Variants in MTREX observed in about 807,000 individuals in gnomAD.
MTREX encodes Mtr4 exosome RNA helicase.
In MTREX, 76 loss-of-function variants were observed where a neutral mutation model predicts 135.4. The ratio of observed to expected loss-of-function variants is 0.56; its 90% CI spans 0.47 to 0.68. The LOEUF is 0.68. Among genes scored for constraint, MTREX ranks in the 30% least tolerant of loss-of-function variants. The probability of loss-of-function intolerance (pLI) is 0.00; values close to 1 mark genes in which losing one functional copy is unlikely to be tolerated. For synonymous variants in MTREX, 404 were observed against 401.6 expected (o/e 1.01, Z -0.07); for missense variants, 920 against 1,262.1 (o/e 0.73, Z 4.11).
intron 8 of MTREX, among the ~76,000 whole-genome samples, chr5:55,343,879 C>G (rs1240141565): frequency 6.6e-6 from 1 of 152,188 alleles, no homozygotes; most frequent in African/African-American, 2.4e-5. Context: ...AGACTTTTTA[C>G]TGACTTTCTG....
chr5:55,396,891 A>G (rs1750655070), intron 19 of MTREX, among the ~76,000 whole-genome samples: 1 of 152,220 alleles, frequency 6.6e-6, no homozygotes, highest in South Asian at 2.1e-4. Context: ...TTTGATGTCG[A>G]TAATGTGCCA....
chr5:55,424,742 TA>T lies in MTREX; in HGVS notation c.3100del (p.Ile1034LeufsTer13). 1 of 1,612,434 alleles carries T rather than the reference TA, an allele frequency of 6.2e-7. No homozygotes were observed. The highest frequency in any genetic ancestry group is 8.5e-7 in the Non-Finnish European group (1 of 1,178,504). The stretch of plus-strand genomic sequence containing the variant: ...TAGGAATCACCAAAATCAAGAGAGA[TA>T]TTGTGTTTGCTGCCAGCCTCTACTT... ...AEGITKIKRD[I>X]VFAASLYL On this transcript the variant is annotated frameshift_variant, in exon 27 of 27. Transcript: ENST00000230640. LOFTEE classifies it high-confidence loss of function.
At chr5:55,366,910 GC>G (rs1272504958) in intron 16 of MTREX, 35 bp downstream of exon 16, 1 of 1,498,562 alleles carries the variant, frequency 6.7e-7, no homozygotes. Context: ...GCTTAGTGTA[GC>G]TAGGAGACTG....
At chr5:55,385,223 G>A (rs1357677420) in intron 18 of MTREX, among the ~76,000 whole-genome samples, 2 of 152,118 alleles carry the variant, frequency 1.3e-5, no homozygotes, top group Non-Finnish European at 2.9e-5. Context: ...GTGGAGGGTT[G>A]GGGTGTAGCC....
In MTREX at chr5:55,416,014, G is replaced by A. The variant is rs1275840543; in HGVS notation, c.2853G>A (p.Leu951=). 6.3e-7 allele frequency: 1 copy of A among 1,596,884 alleles called. No homozygotes were observed. The highest frequency in any genetic ancestry group is 8.5e-7 in the Non-Finnish European group (1 of 1,174,080). Residue 951 remains leucine (L), a synonymous_variant, in exon 25 of 27, where the codon TTG becomes TTA. Transcript: ENST00000230640. ...CAAAAGTTTCAGCAGAAGCCAAATT[G>A]GAAATTGATGAGGAAACTTATCTAA... The part of the protein sequence containing the change: ...RIAKVSAEAK[L]EIDEETYLSS...
chr5:55,410,670 ACAT>A (rs780151417), intron 23 of MTREX, 41 bp downstream of exon 23: 3 of 1,222,698 alleles, frequency 2.5e-6, no homozygotes, highest in Admixed American at 1.8e-5. Flanking sequence ...ATTAATTCAC[ACAT>A]CATGTAGTTA....
chr5:55,366,750 C>A lies in MTREX; in HGVS notation c.1685C>A (p.Ala562Asp). 1 of 1,605,092 alleles carries A rather than the reference C, an allele frequency of 6.2e-7. No homozygotes were observed. Residue 562 changes from alanine (A) to aspartate (D), a missense_variant, in exon 16 of 27, where the codon GCT becomes GAT. Physicochemically the swap from Ala to Asp is moderately radical, Grantham distance 126. Coordinates refer to ENST00000230640, the MANE Select transcript of MTREX (RefSeq NM_015360.5). ...LKGSADPLNS[A>D]FHLTYNMVLN... The stretch of plus-strand genomic sequence containing the variant: ...GGCTCCGCTGATCCTCTAAATAGTG[C>A]TTTCCATTTGACCTACAACATGGTT...
At chr5:55,381,327 G>A (rs1010570113) in intron 18 of MTREX, among the ~76,000 whole-genome samples, 1 of 151,972 alleles carries the variant, frequency 6.6e-6, no homozygotes, top group Non-Finnish European at 1.5e-5. Context: ...ACGTGTTAAG[G>A]TAGAAGATTA....
intron 8 of MTREX, among the ~76,000 whole-genome samples, chr5:55,344,256 G>A (rs1167158126): frequency 1.3e-5 from 2 of 152,110 alleles, no homozygotes; most frequent in Non-Finnish European, 2.9e-5. Context: ...AGCATTCCAG[G>A]GCTAGGTAAT....
chr5:55,378,491 G>GT lies in MTREX; in HGVS notation c.1983+6dup, dbSNP rs1750343204. The GT allele has an allele frequency of 2.5e-6, 4 of 1,595,534 alleles. No individual in the cohort carries two copies. In the African/African-American group the frequency reaches 5.4e-5, roughly 22 times the overall value. ...CAACCAGGTCGTTTGGTAAAGGTAT[G>GT]TCATTGTTTCTTCATAAAATACTTG... On this transcript the variant is annotated splice_donor_region_variant and intron_variant, in intron 17 of 26. Coordinates refer to ENST00000230640, the MANE Select transcript of MTREX (RefSeq NM_015360.5).
In MTREX at chr5:55,379,346, G is replaced by A. The variant is rs547711515; in HGVS notation, c.2052+151G>A. 223 of 537,308 alleles carry A rather than the reference G, an allele frequency of 4.2e-4. No individual in the cohort carries two copies. In the Middle Eastern group the frequency reaches 6.9e-3, roughly 17 times the overall value. 33.3% of individuals were successfully genotyped at this position (537,308 alleles called of 1,614,324 possible). A position where few individuals can be genotyped will look rare whatever the true frequency, so the allele number is the denominator to read the frequency against. Reference sequence around the variant, plus strand: ...AGGAATTAATTTTTGGAATACACCCGGCTAATTTTTGTATTTTTAGTAGAG... The same window carrying A: ...AGGAATTAATTTTTGGAATACACCCAGCTAATTTTTGTATTTTTAGTAGAG... On this transcript the variant is annotated intron_variant, in intron 18 of 26. Transcript: ENST00000230640.
intron 18 of MTREX, among the ~76,000 whole-genome samples, chr5:55,382,186 C>A (rs1188199120): frequency 1.3e-5 from 2 of 151,824 alleles, no homozygotes; most frequent in Non-Finnish European, 2.9e-5. Flanking sequence ...TTGCAGCTGC[C>A]ATTTTAATTT....
intron 13 of MTREX, 45 bp from the exon 14 acceptor site, chr5:55,353,123 C>A: frequency 1.5e-6 from 2 of 1,313,418 alleles, no homozygotes; most frequent in South Asian, 1.6e-5. Flanking sequence ...ACCAGATTTT[C>A]AGCTTAAAAT....
At chr5:55,314,606 G>T (rs145563595) in intron 1 of MTREX, among the ~76,000 whole-genome samples, 320 of 152,294 alleles carry the variant, frequency 2.1e-3, no homozygotes, top group African/African-American at 7.5e-3. Flanking sequence ...AGAGCCTTCA[G>T]GTAGGAACAC....
At chr5:55,381,826 CTA>C (rs1467679400) in intron 18 of MTREX, among the ~76,000 whole-genome samples, 1 of 152,146 alleles carries the variant, frequency 6.6e-6, no homozygotes, top group Non-Finnish European at 1.5e-5. Context: ...GTTGGTCTAT[CTA>C]TTATTGAAAG....
At chr5:55,413,399 A>G (rs1033735121) in intron 23 of MTREX, among the ~76,000 whole-genome samples, 1 of 135,806 alleles carries the variant, frequency 7.4e-6, no homozygotes. Flanking sequence ...ATACATACAT[A>G]TCATTCTTAT....
rs1281676678 is a variant in MTREX at position 55,425,298 on chromosome 5, A to C, written c.*526A>C. ...TCCTCCTCTTTTCTTTCTTTAAAAG[A>C]AGTTCTTTCTTTGAAGAAATCCGAT... is the stretch of plus-strand genomic sequence containing the variant. On this transcript the variant is annotated 3_prime_UTR_variant, in exon 27 of 27. Transcript: ENST00000230640. 1.2e-6 allele frequency: 2 copies of C among 1,609,798 alleles called. No homozygotes were observed. Among genetic ancestry groups the C allele is most frequent in the South Asian group, 2.2e-5 (2 of 90,876 alleles).
chr5:55,408,687 G>A (rs1048859537), intron 22 of MTREX, among the ~76,000 whole-genome samples: 3 of 151,964 alleles, frequency 2.0e-5, no homozygotes, highest in African/African-American at 7.2e-5. Context: ...TCTTTGTAGT[G>A]TTTCTTTTTT....
rs542788874 is a variant in MTREX at position 55,370,113 on chromosome 5, G to C, written c.1810+3238G>C. 8.2e-4 allele frequency among the ~76,000 whole-genome samples: 125 copies of C among 152,018 alleles called. 1 individual carries two copies. The highest frequency in any genetic ancestry group is 2.9e-3 in the African/African-American group (121 of 41,460). On this transcript the variant is annotated intron_variant, in intron 16 of 26. Transcript: ENST00000230640. ...TAATTTTGTATTTTTAGTAGAGACG[G>C]GGTTTCTCCATGTTGGTCAAGCTGG...
Sources: gnomAD v4.1 joint callset for allele counts (sites outside exome capture counted in the v4.1 genomes callset) on GRCh38, gnomAD v4.1.1 for gene constraint, MANE v1.5 for transcripts, NCBI Gene and HGNC (gene_info 2026-07-23, HGNC 2026-07-21) for gene names.